Variants in ADAMTS19 observed in about 807,000 individuals in gnomAD.
The protein encoded by ADAMTS19 is ADAM metallopeptidase with thrombospondin type 1 motif 19.
Under a neutral mutation model 153.3 loss-of-function variants are expected in ADAMTS19, and 93 were observed. The observed-to-expected ratio is 0.61, with a 90% CI of 0.51 to 0.72. The LOEUF (loss-of-function observed/expected upper bound fraction) is 0.72. Among genes scored for constraint, ADAMTS19 ranks in the 30% least tolerant of loss-of-function variants. The pLI is 0.00. For missense variants in ADAMTS19, 1,482 were observed against 1,552.1 expected (o/e 0.95, Z 0.76); for synonymous variants, 600 against 556.6 (o/e 1.08, Z -1.10).
intron 7 of ADAMTS19, among the ~76,000 whole-genome samples, chr5:129,563,926 C>CT (rs767368140): frequency 0.064 from 9,467 of 148,750 alleles, 413 homozygotes; most frequent in Non-Finnish European, 0.089. Flanking sequence ...CCAGGTGAAA[C>CT]TTTTTTTTTT....
chr5:129,702,941 A>AAAAAATATAT, intron 20 of ADAMTS19, among the ~76,000 whole-genome samples: 15 of 29,302 alleles, frequency 5.1e-4, no homozygotes, highest in South Asian at 3.3e-3. Context: ...AAAAAAAAAA[A>AAAAAATATAT]ATATATATAT....
chr5:129,522,868 C>A (rs989793254), intron 3 of ADAMTS19, among the ~76,000 whole-genome samples: 1 of 151,950 alleles, frequency 6.6e-6, no homozygotes, highest in African/African-American at 2.4e-5. Context: ...CCAGACTGAC[C>A]AACATGGCGA....
intron 3 of ADAMTS19, among the ~76,000 whole-genome samples, chr5:129,525,765 G>A (rs558049360): frequency 6.6e-6 from 1 of 152,080 alleles, no homozygotes; most frequent in Non-Finnish European, 1.5e-5. Context: ...GCTTCTGTAA[G>A]ATCCTGATGG....
At chr5:129,655,834 T>A (rs1309926511) in intron 14 of ADAMTS19, among the ~76,000 whole-genome samples, 1 of 152,238 alleles carries the variant, frequency 6.6e-6, no homozygotes, top group Non-Finnish European at 1.5e-5. Context: ...CATAGAATCA[T>A]GTAAAACCAT....
At chr5:129,642,283 T>C (rs17438080) in intron 11 of ADAMTS19, among the ~76,000 whole-genome samples, 12,238 of 152,024 alleles carry the variant, frequency 0.081, 588 homozygotes, top group Middle Eastern at 0.15. Context: ...GCACAAATAA[T>C]AGCATAAATG....
chr5:129,469,894 A>G (rs1750004706), intron 2 of ADAMTS19, among the ~76,000 whole-genome samples: 1 of 152,178 alleles, frequency 6.6e-6, no homozygotes, highest in African/African-American at 2.4e-5. Flanking sequence ...GGCATGGATA[A>G]TATAGTTACA....
intron 18 of ADAMTS19, among the ~76,000 whole-genome samples, chr5:129,684,488 G>T (rs1353506910): frequency 1.1e-5 from 1 of 89,304 alleles, no homozygotes; most frequent in Non-Finnish European, 2.6e-5. Context: ...ATCTCAATAT[G>T]ACTACTCTTT....
rs575066306 is a variant in ADAMTS19 at position 129,622,206 on chromosome 5, C to T, written c.1628C>T (p.Ala543Val). ...EDLERFLRSK[A>V]SNCLLQTNPQ... ...TACCTGCCTATTGCCAGGTCAAAGG[C>T]CAGTAACTGCTTGCTACAAACAAAT... Residue 543 changes from alanine (A) to valine (V), a missense_variant, in exon 10 of 23, where the codon GCC (alanine) becomes GTC (valine). Physicochemically the swap from Ala to Val is moderately conservative, Grantham distance 64. This residue lies in a region of ADAMTS19 where 866 missense variants were observed against 827.7 expected (regional missense o/e 1.05). Transcript: ENST00000274487. The T allele has an allele frequency of 3.4e-5, 55 of 1,614,010 alleles. 1 individual carries two copies. The highest frequency in any genetic ancestry group is 2.9e-4 in the East Asian group (13 of 44,866).
chr5:129,567,743 C>A (rs1254600242), intron 7 of ADAMTS19, among the ~76,000 whole-genome samples: 1 of 151,270 alleles, frequency 6.6e-6, no homozygotes. Context: ...TCATGGGCTC[C>A]AGGAGAAGAA....
intron 21 of ADAMTS19, among the ~76,000 whole-genome samples, chr5:129,706,563 C>CAA (rs1175652790): frequency 8.7e-4 from 58 of 66,664 alleles, no homozygotes; most frequent in African/African-American, 3.0e-3. Context: ...GAGTGAAACT[C>CAA]AAAAAAAAAA....
chr5:129,485,786 G>A (rs12188973), intron 2 of ADAMTS19, among the ~76,000 whole-genome samples: 25,834 of 151,896 alleles, frequency 0.17, 3,035 homozygotes, highest in African/African-American at 0.33. Context: ...AATTGAATGT[G>A]TTCATTTATT....
At chr5:129,712,181 A>T (rs1052641932) in intron 21 of ADAMTS19, among the ~76,000 whole-genome samples, 3 of 152,174 alleles carry the variant, frequency 2.0e-5, no homozygotes, top group African/African-American at 7.2e-5. Flanking sequence ...ATTACAAATA[A>T]TCATGTAAGA....
chr5:129,528,738 A>G, intron 6 of ADAMTS19, 61 bp downstream of exon 6: 9 of 1,325,180 alleles, frequency 6.8e-6, no homozygotes, highest in Non-Finnish European at 8.3e-6. Flanking sequence ...TGTTGATCCC[A>G]TTAATCCCTT....
chr5:129,626,702 G>A (rs997430836), intron 10 of ADAMTS19, among the ~76,000 whole-genome samples: 1 of 152,076 alleles, frequency 6.6e-6, no homozygotes, highest in Non-Finnish European at 1.5e-5. Flanking sequence ...TATTTATTAA[G>A]TTCCAACTAC....
intron 6 of ADAMTS19, among the ~76,000 whole-genome samples, chr5:129,542,345 C>A (rs577803132): frequency 2.0e-5 from 3 of 152,114 alleles, no homozygotes; most frequent in Non-Finnish European, 4.4e-5. Flanking sequence ...CACTGAAATA[C>A]ACTGACCAGA....
At chr5:129,541,172 ATTTTT>A (rs201932816) in intron 6 of ADAMTS19, among the ~76,000 whole-genome samples, 21,296 of 144,316 alleles carry the variant, frequency 0.15, 1,650 homozygotes, top group East Asian at 0.3. Flanking sequence ...AAATAACTAG[ATTTTT>A]TTTTTTTTTT....
intron 10 of ADAMTS19, among the ~76,000 whole-genome samples, chr5:129,638,739 G>T (rs897055317): frequency 6.6e-6 from 1 of 152,092 alleles, no homozygotes; most frequent in African/African-American, 2.4e-5. Flanking sequence ...GGGAAAAGAA[G>T]GTAGTTATAT....
intron 3 of ADAMTS19, among the ~76,000 whole-genome samples, chr5:129,510,434 C>T (rs1332267281): frequency 9.2e-5 from 14 of 151,878 alleles, no homozygotes; most frequent in African/African-American, 1.4e-4. Flanking sequence ...TCTCTCTCCA[C>T]GTCACAGTAT....
chr5:129,464,485 T>A lies in ADAMTS19; in HGVS notation c.747+2728T>A, dbSNP rs1168523172. Among the ~76,000 whole-genome samples, 5 of 152,212 alleles carry A rather than the reference T, an allele frequency of 3.3e-5. No homozygotes were observed. In the East Asian group the frequency reaches 9.6e-4, roughly 29 times the overall value. On this transcript the variant is annotated intron_variant, in intron 2 of 22. Coordinates refer to ENST00000274487, the MANE Select transcript of ADAMTS19 (RefSeq NM_133638.6). ...ACTAACTGTACCTTCCCTTACCCTC[T>A]CTTGATAGTAAGCTTTGCCTACTGG...
Sources: gnomAD v4.1 joint callset for allele counts (sites outside exome capture counted in the v4.1 genomes callset) on GRCh38, gnomAD v4.1.1 for gene constraint, gnomAD v4.1.1 regional missense constraint, MANE v1.5 for transcripts, NCBI Gene and HGNC (gene_info 2026-07-23, HGNC 2026-07-21) for gene names.